The following BAZ2A variants were observed in gnomAD, a reference collection of about 807,000 sequenced individuals.
BAZ2A encodes the protein bromodomain adjacent to zinc finger domain protein 2A.
In BAZ2A, 34 loss-of-function variants were observed where a neutral mutation model predicts 199.9. The observed-to-expected ratio is 0.17, with a 90% CI of 0.13 to 0.23. The LOEUF is 0.23. Among genes scored for constraint, BAZ2A ranks in the 10% least tolerant of loss-of-function variants. The pLI, the probability that BAZ2A is intolerant of heterozygous loss-of-function variation, is 1.00. For missense variants in BAZ2A, 2,002 were observed against 2,391.1 expected (o/e 0.84, Z 3.39); for synonymous variants, 857 against 883.9 (o/e 0.97, Z 0.54).
chr12:56,608,181 G>GCTAA (rs1021376470), intron 10 of BAZ2A, among the ~76,000 whole-genome samples: 2 of 151,846 alleles, frequency 1.3e-5, no homozygotes, highest in African/African-American at 4.8e-5. Flanking sequence ...GACCATCCTG[G>GCTAA]CTAACATGGT....
In BAZ2A at chr12:56,600,670, T is replaced by C; in HGVS notation, c.4602+11A>G. On this transcript the variant is annotated intron_variant, in intron 23 of 28. Coordinates refer to ENST00000549884, the MANE Select transcript of BAZ2A (RefSeq NM_001300905.2). ...CCCCAACCTTCCTACACAGTGCCAA[T>C]CCCAGCATACCCGAATCTGCAGATC... The C allele has an allele frequency of 6.2e-7, 1 of 1,611,622 alleles. No individual in the cohort carries two copies. The highest frequency in any genetic ancestry group is 8.5e-7 in the Non-Finnish European group (1 of 1,179,110).
chr12:56,616,055 C>G (rs992569452), intron 2 of BAZ2A, among the ~76,000 whole-genome samples: 3 of 152,178 alleles, frequency 2.0e-5, no homozygotes, highest in Non-Finnish European at 1.5e-5. Flanking sequence ...AGGCGCCCAT[C>G]ACCACGCCCG....
rs766658008 is a variant in BAZ2A, at chr12:56,635,813, C to T, written c.4+369G>A. On this transcript the variant is annotated intron_variant, in intron 1 of 29. Coordinates refer to the BAZ2A transcript ENST00000379441. The surrounding 1 kb of genome is among the most constrained non-coding windows in gnomAD (Gnocchi z 4.1). ...GAGGGGAGGCATTTTAAAGACCTTC[C>T]AGCACTGCCAAAAGCCGGCTTTACT... Among the ~76,000 whole-genome samples, 8 of 152,088 alleles carry T rather than the reference C, an allele frequency of 5.3e-5. No homozygotes were observed. The highest frequency in any genetic ancestry group is 1.0e-4 in the Non-Finnish European group (7 of 68,014).
chr12:56,610,150 A>G lies in BAZ2A; in HGVS notation c.1845T>C (p.Pro615=), dbSNP rs756208220. 3.1e-6 allele frequency: 5 copies of G among 1,613,838 alleles called. No homozygotes were observed. The highest frequency in any genetic ancestry group is 2.5e-6 in the Non-Finnish European group (3 of 1,179,842). The change falls in exon 9 of 29, where the codon CCT becomes CCC. Residue 615 remains proline, a synonymous_variant. Coordinates refer to ENST00000549884, the MANE Select transcript of BAZ2A (RefSeq NM_001300905.2). ...REHFSFSPRM[P]VGDFFEERDT... ...CTCTTTCTTCAAAGAAATCTCCAAC[A>G]GGCATACGGGGACTGAAGCTGAAGT...
At chr12:56,632,890 C>T (rs149364322), upstream of BAZ2A, among the ~76,000 whole-genome samples, 6 of 152,226 alleles carry the variant, frequency 3.9e-5, no homozygotes, top group South Asian at 2.1e-4. Flanking sequence ...CCCATCCAGA[C>T]GAGAGAGGGC....
chr12:56,600,651 C>A (rs569437905), intron 23 of BAZ2A, 30 bp downstream of exon 23: 54 of 1,603,846 alleles, frequency 3.4e-5, no homozygotes, highest in East Asian at 4.5e-5. Flanking sequence ...TTTTCCCCAA[C>A]CTTCCTACAC....
intron 12 of BAZ2A, 40 bp downstream of exon 12, chr12:56,606,207 G>A (rs753532576): frequency 6.2e-7 from 1 of 1,612,238 alleles, no homozygotes; most frequent in East Asian, 2.2e-5. Flanking sequence ...CAGTTTAGTG[G>A]CTTCGAAATT....
chr12:56,630,985 A>AT, upstream of BAZ2A: 3 of 511,480 alleles, frequency 5.9e-6, no homozygotes, highest in Non-Finnish European at 7.6e-6. Flanking sequence ...AAGATGCCAC[A>AT]AATGTCCACC....
chr12:56,609,713 C>A, intron 10 of BAZ2A, 23 bp downstream of exon 10: 1 of 1,607,450 alleles, frequency 6.2e-7, no homozygotes, highest in Non-Finnish European at 8.5e-7. Context: ...AGCAGAATCC[C>A]AAAGTAAGAA....
intron 1 of BAZ2A, among the ~76,000 whole-genome samples, chr12:56,627,335 C>T (rs1951126702): frequency 6.6e-6 from 1 of 151,768 alleles, no homozygotes; most frequent in Non-Finnish European, 1.5e-5. Context: ...GGCATGGTGG[C>T]GCATGCCTGT....
intron 1 of BAZ2A, among the ~76,000 whole-genome samples, chr12:56,624,444 C>G (rs147268404): frequency 6.6e-6 from 1 of 152,104 alleles, no homozygotes; most frequent in African/African-American, 2.4e-5. Context: ...ATATAAGTTC[C>G]ACCATTATAT....
chr12:56,628,145 C>A (rs1406418674), intron 1 of BAZ2A, among the ~76,000 whole-genome samples: 2 of 136,950 alleles, frequency 1.5e-5, no homozygotes, highest in African/African-American at 5.7e-5. Context: ...TCACACCACT[C>A]CAGCCTGGGC....
upstream of BAZ2A, among the ~76,000 whole-genome samples, chr12:56,632,424 T>G (rs1951337805): frequency 6.6e-6 from 1 of 152,076 alleles, no homozygotes; most frequent in African/African-American, 2.4e-5. Context: ...AGGGGGCCAG[T>G]CGGGGACTGG....
chr12:56,638,070 G>T, upstream of BAZ2A: 1 of 395,722 alleles, frequency 2.5e-6, no homozygotes, highest in Non-Finnish European at 4.6e-6. Context: ...AGGAGTTAGA[G>T]ACCAGTCTTG....
upstream of BAZ2A, chr12:56,636,370 G>A: frequency 1.5e-5 from 20 of 1,370,796 alleles, no homozygotes; most frequent in Non-Finnish European, 1.8e-5. Flanking sequence ...ATGTCCCTGT[G>A]TGACAGACTG....
upstream of BAZ2A, chr12:56,631,012 G>T: frequency 2.5e-6 from 1 of 395,824 alleles, no homozygotes; most frequent in Non-Finnish European, 3.4e-6. Context: ...ATGGTTCTGG[G>T]AATTTTTTTC....
rs376237583 is a variant in BAZ2A at position 56,615,390 on chromosome 12, T to C, written c.354A>G (p.Gln118=). 39 of 1,613,174 alleles carry C rather than the reference T, an allele frequency of 2.4e-5. No homozygotes were observed. The highest frequency in any genetic ancestry group is 1.2e-4 in the Admixed American group (7 of 59,962). The change falls in exon 3 of 29, where the codon CAA becomes CAG. Residue 118 remains glutamine, a synonymous_variant. Coordinates refer to ENST00000549884, the MANE Select transcript of BAZ2A (RefSeq NM_001300905.2). ...CCCCAAGGATGCCGTTGAGTGGGTA[T>C]TGTCCCCCCGAGAACTGGGAGAGAA... ...PPLLSQFSGG[Q]YPLNGILGGS...
intron 16 of BAZ2A, 115 bp downstream of exon 16, chr12:56,604,102 G>A (rs1184957777): frequency 2.0e-6 from 2 of 981,844 alleles, no homozygotes; most frequent in Non-Finnish European, 1.6e-6. Flanking sequence ...GCCCTGGTAA[G>A]GTCCCAAACC....
At chr12:56,631,115 C>T (rs151131082), upstream of BAZ2A, among the ~76,000 whole-genome samples, 90 of 152,220 alleles carry the variant, frequency 5.9e-4, 1 homozygote, top group East Asian at 0.015. Context: ...CACTGCAGGG[C>T]ACCAGGATGA....
Sources: gnomAD v4.1 joint callset for allele counts (sites outside exome capture counted in the v4.1 genomes callset) on GRCh38, gnomAD v4.1.1 for gene constraint, Gnocchi (gnomAD v3.1) non-coding constraint, MANE v1.5 for transcripts, NCBI Gene and HGNC (gene_info 2026-07-23, HGNC 2026-07-21) for gene names.